Variants in TMEM181 observed in about 807,000 individuals in gnomAD.
The protein encoded by TMEM181 is transmembrane protein 181.
A neutral mutation model predicts 71.9 loss-of-function variants in TMEM181; 39 were observed. The ratio of observed to expected loss-of-function variants is 0.54; its 90% confidence interval spans 0.42 to 0.71. The LOEUF (loss-of-function observed/expected upper bound fraction) is 0.71, where lower values mean the gene tolerates loss of function less well. Ranked by LOEUF, TMEM181 falls within the 30% of genes least tolerant of loss-of-function variation. The pLI is 0.00. For synonymous variants in TMEM181, 245 were observed against 228.8 expected, an observed-to-expected ratio of 1.07 and a Z score of -0.64; for missense variants, 595 against 583.0, an observed-to-expected ratio of 1.02 and a Z score of -0.21.
In TMEM181 at chr6:158,634,706, A is replaced by G. The variant is rs1786848396; in HGVS notation, c.*2818A>G. The stretch of plus-strand genomic sequence containing the variant: ...ATGTTCAAGGTTTGTAAGGTTGTTA[A>G]TGTACATAATTGCAGATTGCAATAA... On this transcript the variant is annotated 3_prime_UTR_variant, in exon 17 of 17. Coordinates refer to ENST00000684151, the MANE Select transcript of TMEM181 (RefSeq NM_001376852.1). 1 of 152,232 alleles carries G rather than the reference A, an allele frequency of 6.6e-6. No individual in the cohort carries two copies. Among genetic ancestry groups the G allele is most frequent in the African/African-American group, 2.4e-5 (1 of 41,462 alleles). 9.4% of individuals were successfully genotyped at this position (152,232 alleles called of 1,614,324 possible).
At chr6:158,568,654 C>T (rs1266190511) in intron 1 of TMEM181, among the ~76,000 whole-genome samples, 1 of 152,198 alleles carries the variant, frequency 6.6e-6, no homozygotes, top group African/African-American at 2.4e-5. Flanking sequence ...GAGACTTACT[C>T]GGTCACTGGT....
At chr6:158,592,843 G>C (rs1039585436) in intron 6 of TMEM181, among the ~76,000 whole-genome samples, 1 of 152,026 alleles carries the variant, frequency 6.6e-6, no homozygotes, top group Non-Finnish European at 1.5e-5. Context: ...ACTTGAGCCT[G>C]GGAGTTTGAG....
chr6:158,604,077 C>T (rs1583018994), intron 6 of TMEM181, among the ~76,000 whole-genome samples: 1 of 152,232 alleles, frequency 6.6e-6, no homozygotes, highest in Admixed American at 6.5e-5. Flanking sequence ...AGTTTCTTCT[C>T]TGTCTTGTGG....
intron 13 of TMEM181, chr6:158,626,331 A>C: frequency 6.6e-6 from 3 of 454,228 alleles, no homozygotes; most frequent in Non-Finnish European, 1.3e-5. Flanking sequence ...GTTTATTTGA[A>C]TCGATTCCAG....
chr6:158,553,340 T>C (rs1179804473), intron 1 of TMEM181, among the ~76,000 whole-genome samples: 3 of 151,292 alleles, frequency 2.0e-5, no homozygotes, highest in Non-Finnish European at 4.4e-5. Flanking sequence ...TATTTATTTT[T>C]AACAATTATA....
chr6:158,616,234 C>T (rs1785605340), intron 10 of TMEM181, among the ~76,000 whole-genome samples: 1 of 151,560 alleles, frequency 6.6e-6, no homozygotes, highest in South Asian at 2.1e-4. Context: ...GTATTTTATT[C>T]TCTTTGAAGC....
intron 10 of TMEM181, 70 bp downstream of exon 10, chr6:158,608,820 A>G (rs1046752812): frequency 4.8e-6 from 7 of 1,443,380 alleles, no homozygotes; most frequent in Middle Eastern, 1.8e-4. Flanking sequence ...AGGCCAGGCC[A>G]GGCGTAGTGG....
At chr6:158,546,685 G>A (rs1358382502) in intron 1 of TMEM181, among the ~76,000 whole-genome samples, 3 of 152,264 alleles carry the variant, frequency 2.0e-5, no homozygotes, top group African/African-American at 4.8e-5. Context: ...CCAGCCAGGC[G>A]CGATGGCGCA....
intron 10 of TMEM181, among the ~76,000 whole-genome samples, chr6:158,612,128 C>T (rs187757156): frequency 2.0e-5 from 3 of 152,152 alleles, no homozygotes; most frequent in Admixed American, 6.5e-5. Flanking sequence ...TCGGTGGTTA[C>T]CCAAGAGACT....
chr6:158,626,813 C>T (rs970275272), intron 13 of TMEM181: 7 of 450,798 alleles, frequency 1.6e-5, no homozygotes, highest in Non-Finnish European at 3.1e-5. Flanking sequence ...ACAACTGACC[C>T]ACCCTCACAC....
intron 1 of TMEM181, among the ~76,000 whole-genome samples, chr6:158,569,980 A>C (rs1273560648): frequency 6.6e-6 from 1 of 152,228 alleles, no homozygotes; most frequent in Non-Finnish European, 1.5e-5. Context: ...TAGGGGGTCA[A>C]TAATGTGTTT....
chr6:158,565,363 C>T (rs1441603182), intron 1 of TMEM181, among the ~76,000 whole-genome samples: 1 of 152,158 alleles, frequency 6.6e-6, no homozygotes, highest in East Asian at 1.9e-4. Flanking sequence ...GTGCTCAGTG[C>T]ATCTAGTGGG....
chr6:158,611,297 C>T (rs1785293860), intron 10 of TMEM181: 3 of 501,496 alleles, frequency 6.0e-6, no homozygotes, highest in Admixed American at 4.4e-5. Context: ...CTAGCTGGTC[C>T]TTCTCCACAA....
intron 11 of TMEM181, among the ~76,000 whole-genome samples, 155 bp downstream of exon 11, chr6:158,623,762 ATTTT>A (rs34320485): frequency 1.4e-5 from 2 of 144,034 alleles, no homozygotes; most frequent in Non-Finnish European, 1.5e-5. Context: ...ATTTGGGGAA[ATTTT>A]TTTTTTTTTT....
At chr6:158,623,424 C>T (rs1386973688) in intron 10 of TMEM181, 126 bp from the exon 11 acceptor site, 1 of 551,798 alleles carries the variant, frequency 1.8e-6, no homozygotes, top group Non-Finnish European at 3.1e-6. Flanking sequence ...TGTAAAAATC[C>T]TTCACTGTTG....
At chr6:158,607,908 A>G (rs1389030113) in intron 8 of TMEM181, among the ~76,000 whole-genome samples, 2 of 152,186 alleles carry the variant, frequency 1.3e-5, no homozygotes, top group Non-Finnish European at 2.9e-5. Flanking sequence ...GTGGCCAGAC[A>G]TGGCTGGCTG....
intron 5 of TMEM181, among the ~76,000 whole-genome samples, chr6:158,588,086 A>G (rs1032520422): frequency 3.3e-5 from 5 of 152,240 alleles, no homozygotes; most frequent in Admixed American, 1.3e-4. Flanking sequence ...GCAGATTGCA[A>G]TGAGAGCTGA....
At chr6:158,591,439 A>G (rs2128306295) in intron 6 of TMEM181, among the ~76,000 whole-genome samples, 1 of 152,178 alleles carries the variant, frequency 6.6e-6, no homozygotes, top group Non-Finnish European at 1.5e-5. Flanking sequence ...TGCCTCAGCC[A>G]GCCTTTCCAG....
chr6:158,604,084 G>C (rs1054421398), intron 6 of TMEM181, among the ~76,000 whole-genome samples: 5 of 152,228 alleles, frequency 3.3e-5, no homozygotes, highest in African/African-American at 1.2e-4. Context: ...TCTCTGTCTT[G>C]TGGGTGCCAG....
Sources: gnomAD v4.1 joint callset for allele counts (sites outside exome capture counted in the v4.1 genomes callset) on GRCh38, gnomAD v4.1.1 for gene constraint, MANE v1.5 for transcripts, NCBI Gene and HGNC (gene_info 2026-07-23, HGNC 2026-07-21) for gene names.